Variants in COA6 observed in about 807,000 individuals in gnomAD.
COA6 encodes cytochrome c oxidase assembly factor 6.
Under a neutral mutation model 17.1 loss-of-function variants are expected in COA6, and 12 were observed. That is an observed-to-expected ratio of 0.70 (90% CI 0.45 to 1.14). The LOEUF (loss-of-function observed/expected upper bound fraction) is 1.14, where lower values mean the gene tolerates loss of function less well. COA6 is among the 50% of genes most tolerant of loss of function. The pLI is 0.00. For missense variants in COA6, 246 were observed against 196.5 expected, an observed-to-expected ratio of 1.25 and a Z score of -1.51; for synonymous variants, 90 against 73.4, an observed-to-expected ratio of 1.23 and a Z score of -1.16.
At position 234,373,671 on chromosome 1, in the gene COA6, G is replaced by A. The variant is rs752115185; in HGVS notation, c.205G>A (p.Ala69Thr). 6.8e-6 allele frequency: 11 copies of A among 1,612,822 alleles called. No homozygotes were observed. Among genetic ancestry groups the A allele is most frequent in the African/African-American group, 1.3e-5 (1 of 74,934 alleles). The change falls in exon 1 of 3, where the codon GCA becomes ACA. Residue 69 changes from alanine to threonine, a missense_variant. By Grantham distance (58) the Ala-to-Thr change is moderately conservative. Coordinates refer to ENST00000366615, the MANE Select transcript of COA6 (RefSeq NM_001206641.3). ...TCGAAAGGAAGCCGGACGTGGGCGG[G>A]CAGAGAGGTCGGCTTGCTGATGGGT... ...RHRKEAGRGRAESFIAVGMAA... is the reference protein window; with the variant it reads ...RHRKEAGRGRTESFIAVGMAA...
At chr1:234,374,551 T>C (rs1433277093) in intron 2 of COA6, among the ~76,000 whole-genome samples, 162 bp downstream of exon 2, 5 of 152,204 alleles carry the variant, frequency 3.3e-5, no homozygotes, top group Non-Finnish European at 7.3e-5. Flanking sequence ...TTTGACGCAC[T>C]TACATCAGCT....
chr1:234,377,080 G>A (rs375061208), intron 2 of COA6, among the ~76,000 whole-genome samples: 2 of 105,236 alleles, frequency 1.9e-5, no homozygotes, highest in Non-Finnish European at 2.2e-5. Flanking sequence ...GAGAGAGAGA[G>A]AGAGAGAGAG....
chr1:234,381,909 C>T (rs1658983500), intron 2 of COA6, among the ~76,000 whole-genome samples: 1 of 152,214 alleles, frequency 6.6e-6, no homozygotes, highest in Admixed American at 6.5e-5. Context: ...GACATGCAAA[C>T]ATCTATTAAT....
In COA6 at chr1:234,373,498, G is replaced by C. The variant is rs1264581218; in HGVS notation, c.32G>C (p.Arg11Pro). MVARKGQKSPRFRRVSCFLRL... is the reference protein window; with the variant it reads MVARKGQKSPPFRRVSCFLRL... The stretch of plus-strand genomic sequence containing the variant: ...GCTCGGAAGGGTCAAAAGAGTCCGC[G>C]GTTTCGCCGCGTGAGTTGCTTTTTG... Residue 11 changes from arginine (R) to proline (P), a missense_variant, in exon 1 of 3, where the codon CGG (arginine) becomes CCG (proline). By Grantham distance (103) the Arg-to-Pro change is moderately radical (BLOSUM62 -2). Coordinates refer to ENST00000366615, the MANE Select transcript of COA6 (RefSeq NM_001206641.3). 6.3e-7 allele frequency: 1 copy of C among 1,595,274 alleles called. No individual in the cohort carries two copies. Among genetic ancestry groups the C allele is most frequent in the Non-Finnish European group, 8.5e-7 (1 of 1,171,178 alleles).
rs375926410 is a variant in COA6, at chr1:234,374,383, A to G, written c.366A>G (p.Gln122=). The change falls in exon 2 of 3, where the codon CAA becomes CAG. Residue 122 remains glutamine (Q), a synonymous_variant. Coordinates refer to ENST00000366615, the MANE Select transcript of COA6 (RefSeq NM_001206641.3). ...LRSSFESSCP[Q]QWIKYFDKRR... ...GCTCTTTCGAATCAAGTTGTCCCCA[A>G]CAGTGGGTAAGTCACACTTTGATGT... The G allele has an allele frequency of 2.6e-5, 42 of 1,613,842 alleles. No individual in the cohort carries two copies. In the African/African-American group the frequency reaches 4.3e-4, roughly 16 times the overall value.
chr1:234,378,737 A>G (rs545589080), intron 2 of COA6, among the ~76,000 whole-genome samples: 1 of 152,210 alleles, frequency 6.6e-6, no homozygotes, highest in South Asian at 2.1e-4. Context: ...GCTGGGTGTG[A>G]TGGTGGGCAC....
At chr1:234,378,002 G>C (rs1280634685) in intron 2 of COA6, among the ~76,000 whole-genome samples, 1 of 152,232 alleles carries the variant, frequency 6.6e-6, no homozygotes, top group Non-Finnish European at 1.5e-5. Context: ...GAATGACCGT[G>C]TTCATCATCA....
chr1:234,377,064 G>C (rs61824512), intron 2 of COA6, among the ~76,000 whole-genome samples: 5,823 of 32,134 alleles, frequency 0.18, 1,160 homozygotes, highest in African/African-American at 0.48. Context: ...GTTGCCGAGA[G>C]AGAGAGAGAG....
chr1:234,383,401 G>A (rs1210081897), intron 2 of COA6, among the ~76,000 whole-genome samples: 2 of 150,804 alleles, frequency 1.3e-5, no homozygotes, highest in East Asian at 2.0e-4. Context: ...GGGGGAGGGG[G>A]GGACAGATAG....
At chr1:234,378,744 G>A (rs1432174835) in intron 2 of COA6, among the ~76,000 whole-genome samples, 1 of 152,134 alleles carries the variant, frequency 6.6e-6, no homozygotes, top group African/African-American at 2.4e-5. Context: ...GTGATGGTGG[G>A]CACCTGTAAT....
rs551331710 is a variant in COA6 at position 234,373,648 on chromosome 1, G to A, written c.182G>A (p.Arg61Gln). Residue 61 changes from arginine to glutamine, a missense_variant, in exon 1 of 3, where the codon CGA becomes CAA. By Grantham distance (43) the Arg-to-Gln change is conservative. Transcript: ENST00000366615. ...GTGACAGTTTCCTCCCGTCGACATC[G>A]AAAGGAAGCCGGACGTGGGCGGGCA... ...ACVTVSSRRH[R>Q]KEAGRGRAES... 1.9e-6 allele frequency: 3 copies of A among 1,613,208 alleles called. No individual in the cohort carries two copies. The Admixed American group carries it at 5.0e-5, about 27-fold the overall frequency.
rs1456598657 is a variant in COA6, at chr1:234,382,242, A to G, written c.373-1481A>G. 2.0e-5 allele frequency among the ~76,000 whole-genome samples: 3 copies of G among 152,222 alleles called. 1 individual carries two copies. Among genetic ancestry groups the G allele is most frequent in the Admixed American group, 6.5e-5 (1 of 15,286 alleles). ...ACCAGGGTTTTCTTTCTTTGAAGTT[A>G]AAAGATTGAGTGTCATGTTCATGTT... is the stretch of plus-strand genomic sequence containing the variant. On this transcript the variant is annotated intron_variant, in intron 2 of 2. Coordinates refer to ENST00000366615, the MANE Select transcript of COA6 (RefSeq NM_001206641.3).
In COA6 at chr1:234,374,655, TG is replaced by T. The variant is rs374644540; in HGVS notation, c.372+268del. Among the ~76,000 whole-genome samples the T allele has an allele frequency of 2.0e-5, 3 of 152,302 alleles. No individual in the cohort carries two copies. The South Asian group carries it at 6.2e-4, about 32-fold the overall frequency. ...ACCAAAAAATTCCAGTTCATTTCAC[TG>T]GTAGACTTTTCCAGGATCTTCTGAA... On this transcript the variant is annotated intron_variant, in intron 2 of 2. Transcript: ENST00000366615.
At chr1:234,376,139 A>G (rs1158655100) in intron 2 of COA6, among the ~76,000 whole-genome samples, 1 of 152,194 alleles carries the variant, frequency 6.6e-6, no homozygotes, top group Non-Finnish European at 1.5e-5. Flanking sequence ...TAGTTTTCCC[A>G]TTAGACAGAT....
chr1:234,376,405 C>T (rs1658793639), intron 2 of COA6, among the ~76,000 whole-genome samples: 1 of 152,204 alleles, frequency 6.6e-6, no homozygotes, highest in Non-Finnish European at 1.5e-5. Context: ...TCACTGCGTC[C>T]TAGTCACCGC....
intron 2 of COA6, among the ~76,000 whole-genome samples, chr1:234,382,195 T>A (rs1391141916): frequency 4.6e-5 from 7 of 152,216 alleles, no homozygotes; most frequent in Admixed American, 3.9e-4. Flanking sequence ...GGTGTCGTCG[T>A]CAGCTCTGGA....
At chr1:234,375,846 G>A (rs577504064) in intron 2 of COA6, among the ~76,000 whole-genome samples, 26 of 152,154 alleles carry the variant, frequency 1.7e-4, no homozygotes, top group African/African-American at 6.3e-4. Flanking sequence ...TGTAAAGACA[G>A]GATCTCACTA....
At position 234,374,110 on chromosome 1, in the gene COA6, TTG is replaced by T. The variant is rs1375529871; in HGVS notation, c.213-118_213-117del. ...CCCTAAGCATGGTTTTGTTTTGTTT[TTG>T]TTTTTTTTTTTTTTTTTAGTTTTAA... On this transcript the variant is annotated intron_variant, in intron 1 of 2. Coordinates refer to ENST00000366615, the MANE Select transcript of COA6 (RefSeq NM_001206641.3). 92 of 1,112,262 alleles carry T rather than the reference TTG, an allele frequency of 8.3e-5. No individual in the cohort carries two copies. The African/African-American group carries it at 2.1e-3, about 25-fold the overall frequency. 68.9% of individuals were successfully genotyped at this position (1,112,262 alleles called of 1,614,324 possible).
At chr1:234,375,534 T>A (rs920007203) in intron 2 of COA6, among the ~76,000 whole-genome samples, 2 of 152,188 alleles carry the variant, frequency 1.3e-5, no homozygotes, top group Non-Finnish European at 2.9e-5. Context: ...GGTTTTGCCC[T>A]CTCATACCTC....
Sources: allele counts gnomAD v4.1 joint callset (sites outside exome capture counted in the v4.1 genomes callset), GRCh38; gene constraint gnomAD v4.1.1; transcripts MANE v1.5; gene names NCBI Gene and HGNC (gene_info 2026-07-23, HGNC 2026-07-21).